Variants in NRG3 observed in about 807,000 individuals in gnomAD.
NRG3 encodes neuregulin 3.
A neutral mutation model predicts 66.9 loss-of-function variants in NRG3; 31 were observed. That is an observed-to-expected ratio of 0.46 (90% CI 0.35 to 0.63). The LOEUF is 0.63. Ranked by LOEUF, NRG3 falls within the 20% of genes least tolerant of loss-of-function variation. NRG3 has a pLI of 0.00. For synonymous variants in NRG3, 393 were observed against 359.4 expected (o/e 1.09, Z -1.06); for missense variants, 910 against 878.9 (o/e 1.04, Z -0.45).
chr10:81,934,439 C>G (rs1246092942), intron 1 of NRG3, among the ~76,000 whole-genome samples: 1 of 152,184 alleles, frequency 6.6e-6, no homozygotes, highest in Admixed American at 6.5e-5. Flanking sequence ...GACACTCCCT[C>G]CGTGGTAATT....
chr10:82,795,129 C>T (rs1158983686), intron 3 of NRG3, among the ~76,000 whole-genome samples: 1 of 152,112 alleles, frequency 6.6e-6, no homozygotes, highest in Non-Finnish European at 1.5e-5. Flanking sequence ...TGGATATCTT[C>T]AAATAAATGA....
intron 1 of NRG3, among the ~76,000 whole-genome samples, chr10:82,226,938 A>G (rs1434953094): frequency 6.6e-6 from 1 of 152,168 alleles, no homozygotes; most frequent in Non-Finnish European, 1.5e-5. Flanking sequence ...CTCTCAATTG[A>G]CAAATGTGGA....
At chr10:82,907,162 C>T (rs956352414) in intron 4 of NRG3, among the ~76,000 whole-genome samples, 1 of 152,206 alleles carries the variant, frequency 6.6e-6, no homozygotes, top group East Asian at 1.9e-4. Context: ...GTCTACCCTT[C>T]ATGCCTCTAG....
chr10:82,276,702 G>T (rs1327309232), intron 1 of NRG3, among the ~76,000 whole-genome samples: 1 of 151,980 alleles, frequency 6.6e-6, no homozygotes, highest in Non-Finnish European at 1.5e-5. Context: ...TTTATGAGTT[G>T]GTTTGGTGGA....
chr10:82,953,113 A>G (rs932185369), intron 5 of NRG3, among the ~76,000 whole-genome samples: 8 of 151,948 alleles, frequency 5.3e-5, no homozygotes, highest in Admixed American at 3.3e-4. Flanking sequence ...TCCTTACCAT[A>G]TGATATTAGC....
rs191955636 is a variant in NRG3, at chr10:82,146,822, G to A, written c.824-211917G>A. On this transcript the variant is annotated intron_variant, in intron 1 of 8. Coordinates refer to ENST00000372141, the MANE Select transcript of NRG3 (RefSeq NM_001010848.4). Reference sequence around the variant, plus strand: ...TATTTCTTTTTGTCTCCATCACAGAGCCCTGGGGTGTGGTACAGGGAGGGT... The same window carrying A: ...TATTTCTTTTTGTCTCCATCACAGAACCCTGGGGTGTGGTACAGGGAGGGT... 2.6e-5 allele frequency among the ~76,000 whole-genome samples: 4 copies of A among 152,280 alleles called. No homozygotes were observed. The East Asian group carries it at 5.8e-4, about 22-fold the overall frequency.
chr10:82,506,289 G>C (rs1488599900), intron 2 of NRG3, among the ~76,000 whole-genome samples: 1 of 152,180 alleles, frequency 6.6e-6, no homozygotes, highest in Non-Finnish European at 1.5e-5. Context: ...TGCGAGGAAT[G>C]TTGCAAGCTG....
At chr10:82,809,763 A>G (rs2061420096) in intron 3 of NRG3, among the ~76,000 whole-genome samples, 1 of 152,162 alleles carries the variant, frequency 6.6e-6, no homozygotes, top group South Asian at 2.1e-4. Flanking sequence ...AGAAATATTC[A>G]TCTTTAATTC....
intron 2 of NRG3, among the ~76,000 whole-genome samples, chr10:82,375,188 C>A (rs1268122126): frequency 6.6e-6 from 1 of 152,188 alleles, no homozygotes; most frequent in African/African-American, 2.4e-5. Context: ...TGCCAATCAT[C>A]ACACCTCTGC....
At chr10:82,846,482 T>A (rs2063313569) in intron 3 of NRG3, among the ~76,000 whole-genome samples, 1 of 152,200 alleles carries the variant, frequency 6.6e-6, no homozygotes. Context: ...CTTTAAGGGA[T>A]CCCTGAATGA....
chr10:82,331,734 C>T (rs1325495153), intron 1 of NRG3, among the ~76,000 whole-genome samples: 8 of 152,128 alleles, frequency 5.3e-5, no homozygotes, highest in Admixed American at 5.2e-4. Context: ...GACCATGCAA[C>T]CTGTTTATTA....
chr10:82,843,458 C>T (rs546899960), intron 3 of NRG3, among the ~76,000 whole-genome samples: 11 of 152,164 alleles, frequency 7.2e-5, no homozygotes, highest in South Asian at 4.1e-4. Context: ...TTCTATTCAT[C>T]GTAAATTACA....
At chr10:82,474,995 A>C (rs976735313) in intron 2 of NRG3, among the ~76,000 whole-genome samples, 3 of 151,928 alleles carry the variant, frequency 2.0e-5, no homozygotes, top group African/African-American at 7.2e-5. Context: ...AAAAAAAAGG[A>C]AGAAAAAAAA....
chr10:82,798,096 C>T (rs1338615206), intron 3 of NRG3, among the ~76,000 whole-genome samples: 2 of 151,830 alleles, frequency 1.3e-5, no homozygotes, highest in Non-Finnish European at 2.9e-5. Context: ...TCTTTGAGAA[C>T]CTACTTGAAA....
intron 4 of NRG3, among the ~76,000 whole-genome samples, chr10:82,918,753 C>CT (rs1307736313): frequency 6.6e-6 from 1 of 152,114 alleles, no homozygotes; most frequent in East Asian, 1.9e-4. Context: ...CCTGGGATTC[C>CT]TTCCCATGAT....
At chr10:82,057,560 C>G (rs1483988828) in intron 1 of NRG3, among the ~76,000 whole-genome samples, 1 of 152,044 alleles carries the variant, frequency 6.6e-6, no homozygotes, top group African/African-American at 2.4e-5. Context: ...GAAAGGATTT[C>G]TAGGCTACTT....
Position 82,979,000 on chromosome 10 carries a change from G to A in NRG3, c.1463G>A (p.Arg488Lys). ...SPGQRSGMLH[R>K]NAFRRTPPSP... ...GGGCAAAGAAGTGGCATGCTCCATA[G>A]GAATGCCTTCAGAAGGACACCCCCG... The change falls in exon 8 of 9, where the codon AGG (arginine) becomes AAG (lysine). Residue 488 changes from arginine to lysine, a missense_variant. By Grantham distance (26) the Arg-to-Lys change is conservative (BLOSUM62 2). Coordinates refer to ENST00000372141, the MANE Select transcript of NRG3 (RefSeq NM_001010848.4). The A allele has an allele frequency of 1.9e-6, 3 of 1,614,040 alleles. No homozygotes were observed. Among genetic ancestry groups the A allele is most frequent in the East Asian group, 2.2e-5 (1 of 44,852 alleles).
chr10:82,810,738 A>G lies in NRG3; in HGVS notation c.1028-54673A>G, dbSNP rs954917008. Among the ~76,000 whole-genome samples the G allele has an allele frequency of 2.7e-5, 3 of 111,230 alleles. No individual in the cohort carries two copies. In the East Asian group the frequency reaches 6.4e-4, roughly 24 times the overall value. The allele number at this position is 111,230 out of a possible 152,430, so 73.0% of individuals were successfully genotyped here. A position where few individuals can be genotyped will look rare whatever the true frequency, so the allele number is the denominator to read the frequency against. ...AGATCGCACCACTGCACTCCAGCCT[A>G]AAAAAAAAAAAAAAAAAAAGAAGAA... On this transcript the variant is annotated intron_variant, in intron 3 of 8. Transcript: ENST00000372141.
intron 1 of NRG3, among the ~76,000 whole-genome samples, chr10:82,050,210 C>T (rs964051496): frequency 6.6e-6 from 1 of 152,016 alleles, no homozygotes; most frequent in African/African-American, 2.4e-5. Context: ...TCAACCTCAT[C>T]CTTCATTTTT....
Sources: allele counts gnomAD v4.1 joint callset (sites outside exome capture counted in the v4.1 genomes callset), GRCh38; gene constraint gnomAD v4.1.1; transcripts MANE v1.5; gene names NCBI Gene and HGNC (gene_info 2026-07-23, HGNC 2026-07-21).